TSHZ2: variants seen among roughly 807,000 people sequenced by gnomAD.
TSHZ2 encodes teashirt zinc finger homeobox 2.
In TSHZ2, 21 loss-of-function variants were observed where a neutral mutation model predicts 74.4. The ratio of observed to expected loss-of-function variants is 0.28; its 90% confidence interval spans 0.20 to 0.41. TSHZ2 has a LOEUF of 0.41. TSHZ2 is among the 10% of genes least tolerant of loss of function. TSHZ2 has a pLI of 1.00. For missense variants in TSHZ2, 1,244 were observed against 1,293.5 expected (o/e 0.96, Z 0.59); for synonymous variants, 540 against 515.3 (o/e 1.05, Z -0.65).
chr20:53,064,371 A>G (rs1401785362), intron 1 of TSHZ2, among the ~76,000 whole-genome samples: 2 of 152,212 alleles, frequency 1.3e-5, no homozygotes, highest in Non-Finnish European at 2.9e-5. Context: ...CCATTAAGCA[A>G]AAGTCATGTA....
chr20:53,042,095 G>C (rs1436683948), intron 1 of TSHZ2, among the ~76,000 whole-genome samples: 2 of 152,114 alleles, frequency 1.3e-5, no homozygotes, highest in Admixed American at 1.3e-4. Context: ...ATATAAATGT[G>C]TGGGGGCATG....
rs148686937 is a variant in TSHZ2 at position 53,008,541 on chromosome 20, A to G, written c.40+35208A>G. Among the ~76,000 whole-genome samples the G allele has an allele frequency of 9.8e-3, 1,453 of 147,770 alleles. 7 individuals carry two copies. The highest frequency in any genetic ancestry group is 0.038 in the Middle Eastern group (11 of 292). ...TTTTCAGCAAAGGGGCAAAATTAAG[A>G]AAGGATTATAATCACCTTTTTTTTT... On this transcript the variant is annotated intron_variant, in intron 1 of 2. Coordinates refer to ENST00000371497, the MANE Select transcript of TSHZ2 (RefSeq NM_173485.6).
rs80209722 is a variant in TSHZ2, at chr20:53,162,421, G to A, written c.41-91078G>A. 4.9e-3 allele frequency among the ~76,000 whole-genome samples: 742 copies of A among 152,300 alleles called. 3 individuals carry two copies. Among genetic ancestry groups the A allele is most frequent in the East Asian group, 0.024 (125 of 5,188 alleles). On this transcript the variant is annotated intron_variant, in intron 1 of 2. Transcript: ENST00000371497. ...AGCTTACTCCTTTCTATGCTGAGACGTTGCCCACTCGCTTCCTCTTTTGTA... is the reference window on the plus strand; with the variant it reads ...AGCTTACTCCTTTCTATGCTGAGACATTGCCCACTCGCTTCCTCTTTTGTA...
chr20:53,079,878 T>A (rs1336045294), intron 1 of TSHZ2, among the ~76,000 whole-genome samples: 2 of 152,018 alleles, frequency 1.3e-5, no homozygotes, highest in Non-Finnish European at 2.9e-5. Flanking sequence ...AAAGTTGAAT[T>A]ATATGTCCTA....
In TSHZ2 at chr20:53,320,584, A is replaced by G. The variant is rs113019040; in HGVS notation, c.*8+64013A>G. Reference sequence around the variant, plus strand: ...ACTGTAGCATCAAAATCCTTTCTAGAAGTGTTGCTGGTAGAAGGCTCAGAG... The same window carrying G: ...ACTGTAGCATCAAAATCCTTTCTAGGAGTGTTGCTGGTAGAAGGCTCAGAG... On this transcript the variant is annotated intron_variant, in intron 2 of 2. Transcript: ENST00000371497. Among the ~76,000 whole-genome samples, 996 of 152,318 alleles carry G rather than the reference A, an allele frequency of 6.5e-3. 9 individuals are homozygous for G. Among genetic ancestry groups the G allele is most frequent in the African/African-American group, 0.023 (944 of 41,564 alleles).
intron 1 of TSHZ2, among the ~76,000 whole-genome samples, chr20:53,200,945 T>C (rs1447071997): frequency 6.6e-6 from 1 of 152,114 alleles, no homozygotes; most frequent in Admixed American, 6.6e-5. Flanking sequence ...AATATTAGAA[T>C]GGGTTGATAG....
At chr20:53,433,576 G>GACACACAC (rs1281093463) in intron 2 of TSHZ2, among the ~76,000 whole-genome samples, 4 of 76,698 alleles carry the variant, frequency 5.2e-5, no homozygotes, top group Non-Finnish European at 8.1e-5. Flanking sequence ...CAGACACACA[G>GACACACAC]ACACACAGAC....
intron 2 of TSHZ2, among the ~76,000 whole-genome samples, chr20:53,419,851 A>G (rs1433957510): frequency 6.6e-6 from 1 of 152,226 alleles, no homozygotes. Context: ...GATGTCACCT[A>G]TTGATGTACA....
intron 1 of TSHZ2, among the ~76,000 whole-genome samples, chr20:53,044,150 C>A (rs1984143071): frequency 6.6e-6 from 1 of 152,160 alleles, no homozygotes; most frequent in African/African-American, 2.4e-5. Context: ...TGGATTGTTT[C>A]AGATTTTGGA....
rs1291073050 is a variant in TSHZ2, at chr20:53,190,113, ATATATATATATATATATATATATATT to A, written c.41-63384_41-63359del. Reference sequence around the variant, plus strand: ...TATATATATATATATATATATATATATATATATATATATATATATATATATTTTCTTAAATGCCTCTGTTTCTTTTT... The same window carrying A: ...TATATATATATATATATATATATATATTCTTAAATGCCTCTGTTTCTTTTT... On this transcript the variant is annotated intron_variant, in intron 1 of 2. Coordinates refer to ENST00000371497, the MANE Select transcript of TSHZ2 (RefSeq NM_173485.6). Among the ~76,000 whole-genome samples, 6 of 84,148 alleles carry A rather than the reference ATATATATATATATATATATATATATT, an allele frequency of 7.1e-5. 1 individual carries two copies. The East Asian group carries it at 1.2e-3, about 17-fold the overall frequency. The allele number at this position is 84,148 out of a possible 152,430, so 55.2% of individuals were successfully genotyped here. A position where few individuals can be genotyped will look rare whatever the true frequency, so the allele number is the denominator to read the frequency against.
intron 2 of TSHZ2, among the ~76,000 whole-genome samples, chr20:53,458,800 C>T (rs1017611045): frequency 6.6e-6 from 1 of 152,016 alleles, no homozygotes; most frequent in African/African-American, 2.4e-5. Flanking sequence ...ATCTTCATTT[C>T]TGCCTTCATT....
chr20:53,352,791 A>AAAAG (rs11469664), intron 2 of TSHZ2, among the ~76,000 whole-genome samples: 2 of 139,398 alleles, frequency 1.4e-5, no homozygotes, highest in African/African-American at 5.4e-5. Context: ...AAAAAAAAAA[A>AAAAG]AAAGAAAGAA....
Position 53,246,196 on chromosome 20 carries a change from C to T in TSHZ2, c.41-7303C>T, listed in dbSNP as rs568192283. On this transcript the variant is annotated intron_variant, in intron 1 of 2. Transcript: ENST00000371497. ...AGCTGAGATTACAGGCATGCACCACCACACCCAGCTAATTTTTTGTATTTT... is the reference window on the plus strand; with the variant it reads ...AGCTGAGATTACAGGCATGCACCACTACACCCAGCTAATTTTTTGTATTTT... 9.9e-5 allele frequency among the ~76,000 whole-genome samples: 15 copies of T among 152,140 alleles called. No homozygotes were observed. In the South Asian group the frequency reaches 3.1e-3, roughly 32 times the overall value.
At chr20:52,988,036 T>A (rs1357780487) in intron 1 of TSHZ2, among the ~76,000 whole-genome samples, 1 of 152,210 alleles carries the variant, frequency 6.6e-6, no homozygotes, top group African/African-American at 2.4e-5. Context: ...TTCCTTCATT[T>A]CCTTTGTTCT....
At chr20:53,450,047 T>C (rs1476601450) in intron 2 of TSHZ2, among the ~76,000 whole-genome samples, 1 of 152,236 alleles carries the variant, frequency 6.6e-6, no homozygotes, top group Admixed American at 6.5e-5. Context: ...GTTTATTGAT[T>C]GAAGAAATAC....
intron 2 of TSHZ2, among the ~76,000 whole-genome samples, chr20:53,444,043 A>T (rs1984451449): frequency 6.6e-6 from 1 of 152,114 alleles, no homozygotes; most frequent in Non-Finnish European, 1.5e-5. Flanking sequence ...GCCAGCCATC[A>T]TCGTTTTCCC....
At chr20:53,065,632 C>T (rs1363737288) in intron 1 of TSHZ2, among the ~76,000 whole-genome samples, 1 of 152,154 alleles carries the variant, frequency 6.6e-6, no homozygotes, top group African/African-American at 2.4e-5. Flanking sequence ...GGGGATACCA[C>T]TTAAAGTGCA....
intron 1 of TSHZ2, among the ~76,000 whole-genome samples, chr20:53,141,292 C>T (rs1448241141): frequency 6.6e-6 from 1 of 152,130 alleles, no homozygotes; most frequent in African/African-American, 2.4e-5. Flanking sequence ...TTCAGACTGG[C>T]GAAGGCTGGG....
chr20:53,340,184 CTT>C (rs557613827), intron 2 of TSHZ2, among the ~76,000 whole-genome samples: 3 of 109,864 alleles, frequency 2.7e-5, no homozygotes, highest in East Asian at 2.8e-4. Flanking sequence ...TTTCTTTTTT[CTT>C]TTTTTTTTTT....
Sources: allele counts gnomAD v4.1 joint callset (sites outside exome capture counted in the v4.1 genomes callset), GRCh38; gene constraint gnomAD v4.1.1; transcripts MANE v1.5; gene names NCBI Gene and HGNC (gene_info 2026-07-23, HGNC 2026-07-21).